Variants in COMMD1 observed in about 807,000 individuals in gnomAD.
COMMD1 encodes COMM domain-containing protein 1.
In COMMD1, 10 loss-of-function variants were observed where a neutral mutation model predicts 17.2. The observed-to-expected ratio is 0.58, with a 90% CI of 0.36 to 0.99. COMMD1 has a LOEUF of 0.99. Among genes scored for constraint, COMMD1 ranks in the 50% least tolerant of loss-of-function variants. The pLI, the probability that COMMD1 is intolerant of heterozygous loss-of-function variation, is 0.01. For synonymous variants in COMMD1, 97 were observed against 91.6 expected (o/e 1.06, Z -0.34); for missense variants, 270 against 231.8 (o/e 1.17, Z -1.07).
At chr2:61,930,929 C>T (rs1261740425) in intron 1 of COMMD1, among the ~76,000 whole-genome samples, 1 of 151,938 alleles carries the variant, frequency 6.6e-6, no homozygotes, top group African/African-American at 2.4e-5. Context: ...TTCTCAGTGG[C>T]TCCATAGCCA....
chr2:62,047,150 G>A (rs1005151601), intron 2 of COMMD1, among the ~76,000 whole-genome samples: 5 of 152,088 alleles, frequency 3.3e-5, no homozygotes, highest in Admixed American at 6.5e-5. Flanking sequence ...CAATTTATGA[G>A]CACTTTTCTC....
chr2:61,935,134 A>G (rs1005422295), intron 1 of COMMD1, among the ~76,000 whole-genome samples: 2 of 152,232 alleles, frequency 1.3e-5, no homozygotes, highest in African/African-American at 4.8e-5. Context: ...TAGAGTCTCA[A>G]TAAAGATCCA....
At chr2:62,112,640 C>G (rs952555303) in intron 2 of COMMD1, among the ~76,000 whole-genome samples, 1 of 152,196 alleles carries the variant, frequency 6.6e-6, no homozygotes, top group Non-Finnish European at 1.5e-5. Flanking sequence ...CATATGCCAT[C>G]TTATTTAGTC....
chr2:62,000,776 A>T lies in COMMD1; in HGVS notation c.256A>T (p.Ile86Phe), dbSNP rs1394413993. 1.2e-6 allele frequency: 2 copies of T among 1,614,152 alleles called. No homozygotes were observed. Among genetic ancestry groups the T allele is most frequent in the South Asian group, 1.1e-5 (1 of 91,090 alleles). The change falls in exon 2 of 3, where the codon ATC (isoleucine) becomes TTC (phenylalanine). Residue 86 changes from isoleucine to phenylalanine, a missense_variant. Physicochemically the swap from Ile to Phe is conservative, Grantham distance 21 (BLOSUM62 0). Transcript: ENST00000311832. ...TGCTCAAACCAAAAAGCAAGGTGGG[A>T]TCACATCTGACCAAGCTGCTGTCAT... ...LTAQTKKQGG[I>F]TSDQAAVISK...
intron 2 of COMMD1, among the ~76,000 whole-genome samples, chr2:62,032,001 C>G (rs1426364974): frequency 6.6e-6 from 1 of 152,144 alleles, no homozygotes; most frequent in African/African-American, 2.4e-5. Context: ...CTTTATATGC[C>G]TTTAACACTT....
intron 1 of COMMD1, among the ~76,000 whole-genome samples, chr2:61,919,810 C>T (rs955563564): frequency 8.5e-5 from 13 of 152,128 alleles, no homozygotes; most frequent in Non-Finnish European, 1.8e-4. Context: ...TCGTCTTTTA[C>T]AGCTTCTCCA....
chr2:61,911,367 T>C (rs1294964111), intron 1 of COMMD1, among the ~76,000 whole-genome samples: 1 of 152,036 alleles, frequency 6.6e-6, no homozygotes, highest in Admixed American at 6.6e-5. Context: ...TCCCAGCTAC[T>C]TGTGAGGCTG....
At chr2:61,994,682 G>T (rs1668705355) in intron 1 of COMMD1, among the ~76,000 whole-genome samples, 1 of 152,116 alleles carries the variant, frequency 6.6e-6, no homozygotes, top group Admixed American at 6.6e-5. Flanking sequence ...GCAGGAACTA[G>T]GGTCTTGGGA....
intron 1 of COMMD1, among the ~76,000 whole-genome samples, chr2:61,989,411 A>C (rs1329732449): frequency 6.6e-6 from 1 of 151,676 alleles, no homozygotes; most frequent in African/African-American, 2.4e-5. Context: ...AATCTCTGGG[A>C]TCCACCTATT....
chr2:62,074,950 C>T (rs559122378), intron 2 of COMMD1, among the ~76,000 whole-genome samples: 7 of 139,628 alleles, frequency 5.0e-5, no homozygotes, highest in Admixed American at 7.9e-5. Flanking sequence ...AGTGCAATGG[C>T]GCAATCTCGG....
At chr2:62,010,430 A>G (rs1340259593) in intron 2 of COMMD1, among the ~76,000 whole-genome samples, 1 of 151,940 alleles carries the variant, frequency 6.6e-6, no homozygotes, top group Non-Finnish European at 1.5e-5. Context: ...AGTTGATCTC[A>G]TGTAATTCCT....
intron 2 of COMMD1, chr2:62,069,670 A>G (rs1671147289): frequency 6.6e-6 from 1 of 152,216 alleles, no homozygotes. Context: ...TGGCAGGCTT[A>G]TAACAAGAAG....
intron 2 of COMMD1, among the ~76,000 whole-genome samples, chr2:62,086,006 T>A (rs542373501): frequency 5.2e-4 from 79 of 151,294 alleles, no homozygotes; most frequent in South Asian, 1.9e-3. Flanking sequence ...AACAAAAAAA[T>A]TTTTAAGAAA....
Position 62,135,872 on chromosome 2 carries a change from C to A in COMMD1, c.504C>A (p.Val168=). The change falls in exon 3 of 3, where the codon GTC becomes GTA. Residue 168 remains valine, a synonymous_variant. Transcript: ENST00000311832. ...FLCLEFDEVK[V]NQILKTLSEV... is the part of the protein sequence containing the mutation. ...GTTTGGAATTTGATGAGGTCAAAGT[C>A]AACCAAATTCTGAAGACGCTGTCAG... The A allele has an allele frequency of 6.2e-7, 1 of 1,602,068 alleles. No individual in the cohort carries two copies. The highest frequency in any genetic ancestry group is 1.1e-5 in the South Asian group (1 of 90,840).
intron 1 of COMMD1, among the ~76,000 whole-genome samples, chr2:61,959,038 C>A (rs929028116): frequency 1.3e-5 from 2 of 151,946 alleles, no homozygotes; most frequent in Non-Finnish European, 2.9e-5. Context: ...ACTCATTGTA[C>A]TAGTTTTACT....
intron 1 of COMMD1, among the ~76,000 whole-genome samples, chr2:61,944,985 G>A (rs1670869611): frequency 6.6e-6 from 1 of 152,146 alleles, no homozygotes; most frequent in Non-Finnish European, 1.5e-5. Flanking sequence ...CCAATTCGGA[G>A]GCCTTGTTCC....
chr2:62,091,722 T>C (rs1412805315), intron 2 of COMMD1, among the ~76,000 whole-genome samples: 5 of 152,084 alleles, frequency 3.3e-5, no homozygotes, highest in African/African-American at 1.2e-4. Flanking sequence ...GGGCTGGTGG[T>C]TATTTGGGCA....
intron 1 of COMMD1, among the ~76,000 whole-genome samples, chr2:61,908,023 T>A (rs572798165): frequency 1.3e-5 from 2 of 152,214 alleles, no homozygotes; most frequent in African/African-American, 4.8e-5. Flanking sequence ...AATAATAATA[T>A]CCAGGATACT....
Position 61,927,508 on chromosome 2 carries a change from T to C in COMMD1, c.180+21650T>C, listed in dbSNP as rs2105203120. 2.0e-5 allele frequency among the ~76,000 whole-genome samples: 3 copies of C among 151,878 alleles called. No homozygotes were observed. The South Asian group carries it at 6.3e-4, about 32-fold the overall frequency. On this transcript the variant is annotated intron_variant, in intron 1 of 2. Coordinates refer to ENST00000311832, the MANE Select transcript of COMMD1 (RefSeq NM_152516.4). Reference sequence around the variant, plus strand: ...CCCGGGTTCATGCCATTCTCCTGCCTCAGCCTTGCGAGTAGCTGGGACTAC... The same window carrying C: ...CCCGGGTTCATGCCATTCTCCTGCCCCAGCCTTGCGAGTAGCTGGGACTAC...
Sources: gnomAD v4.1 joint callset for allele counts (sites outside exome capture counted in the v4.1 genomes callset) on GRCh38, gnomAD v4.1.1 for gene constraint, MANE v1.5 for transcripts, NCBI Gene and HGNC (gene_info 2026-07-23, HGNC 2026-07-21) for gene names.